REC114: variants seen among roughly 807,000 people sequenced by gnomAD.
REC114 encodes the protein meiotic recombination protein REC114.
A neutral mutation model predicts 31.3 loss-of-function variants in REC114; 27 were observed. The observed-to-expected ratio is 0.86, with a 90% CI of 0.64 to 1.19. The LOEUF (loss-of-function observed/expected upper bound fraction) is 1.19, where lower values mean the gene tolerates loss of function less well. Ranked by LOEUF, REC114 falls within the 50% of genes most tolerant of loss-of-function variation. REC114 has a pLI of 0.00. For missense variants in REC114, 344 were observed against 326.9 expected (o/e 1.05, Z -0.40); for synonymous variants, 134 against 127.7 (o/e 1.05, Z -0.33).
At chr15:73,521,082 T>C (rs1234345182) in intron 2 of REC114, among the ~76,000 whole-genome samples, 1 of 152,132 alleles carries the variant, frequency 6.6e-6, no homozygotes. Flanking sequence ...TGGGCCAGAG[T>C]ATAAAGAAAG....
intron 1 of REC114, among the ~76,000 whole-genome samples, chr15:73,464,590 G>T (rs1315123019): frequency 6.6e-6 from 1 of 152,082 alleles, no homozygotes; most frequent in Non-Finnish European, 1.5e-5. Context: ...AGTGCTGTGG[G>T]CCTCCTGTAG....
At chr15:73,502,029 G>A (rs577727020) in intron 2 of REC114, among the ~76,000 whole-genome samples, 5 of 152,020 alleles carry the variant, frequency 3.3e-5, no homozygotes, top group South Asian at 2.1e-4. Flanking sequence ...AGTGGCTCTC[G>A]CCTGTAATCC....
intron 1 of REC114, among the ~76,000 whole-genome samples, chr15:73,454,897 T>G (rs1892896220): frequency 6.6e-6 from 1 of 152,214 alleles, no homozygotes; most frequent in Non-Finnish European, 1.5e-5. Flanking sequence ...TGATTGTTAT[T>G]ACAATTTTTT....
In REC114 at chr15:73,559,752, ACT is replaced by A. The variant is rs781734668; in HGVS notation, c.640_641del (p.Leu214SerfsTer11). ...AACGACTTTTCTGGTATCCCTGCAG[ACT>A]CTTCTGGCATCGGAGGAGCTGCCCC... ...GRTSLTQLAQ[T>X]LLASEELPHV... On this transcript the variant is annotated frameshift_variant and splice_region_variant, in exon 6 of 6. Transcript: ENST00000331090. LOFTEE classifies it high-confidence loss of function. 1.3e-6 allele frequency: 2 copies of A among 1,556,504 alleles called. No homozygotes were observed. Among genetic ancestry groups the A allele is most frequent in the Non-Finnish European group, 8.6e-7 (1 of 1,158,798 alleles).
intron 1 of REC114, among the ~76,000 whole-genome samples, chr15:73,454,814 G>A (rs1385094405): frequency 1.3e-5 from 2 of 152,120 alleles, no homozygotes; most frequent in Non-Finnish European, 2.9e-5. Flanking sequence ...CATCTGTGTT[G>A]GGTGCAGCTG....
chr15:73,491,716 A>G (rs113430743), intron 2 of REC114, among the ~76,000 whole-genome samples: 25,146 of 152,042 alleles, frequency 0.17, 3,270 homozygotes, highest in African/African-American at 0.36. Flanking sequence ...TGACCAACAT[A>G]GTGAAACCTT....
rs1894248974 is a variant in REC114, at chr15:73,542,278, C to T, written c.333+1710C>T. Among the ~76,000 whole-genome samples, 2 of 150,608 alleles carry T rather than the reference C, an allele frequency of 1.3e-5. 1 individual carries two copies. Among genetic ancestry groups the T allele is most frequent in the South Asian group, 4.2e-4 (2 of 4,758 alleles). The stretch of plus-strand genomic sequence containing the variant: ...CCTAGGAGGCAGAGGTTGCAGTGAG[C>T]CAAGATCGCACCACTACACTCCAGC... On this transcript the variant is annotated intron_variant, in intron 3 of 5. Coordinates refer to ENST00000331090, the MANE Select transcript of REC114 (RefSeq NM_001042367.2).
At chr15:73,529,037 T>C (rs74452355) in intron 2 of REC114, among the ~76,000 whole-genome samples, 16,975 of 152,200 alleles carry the variant, frequency 0.11, 1,254 homozygotes, top group African/African-American at 0.21. Context: ...CAAAGATACT[T>C]GATGATATTA....
intron 1 of REC114, among the ~76,000 whole-genome samples, chr15:73,471,728 A>G (rs1304608582): frequency 6.6e-6 from 1 of 152,198 alleles, no homozygotes; most frequent in Non-Finnish European, 1.5e-5. Flanking sequence ...AAGAATGTTC[A>G]TAACAGTATT....
intron 2 of REC114, among the ~76,000 whole-genome samples, chr15:73,490,559 G>A (rs563641363): frequency 2.1e-4 from 32 of 152,234 alleles, no homozygotes; most frequent in African/African-American, 7.5e-4. Flanking sequence ...AAATTAGCCA[G>A]GCATGGTGGC....
At chr15:73,446,861 A>G (rs1478434600) in intron 1 of REC114, among the ~76,000 whole-genome samples, 1 of 152,210 alleles carries the variant, frequency 6.6e-6, no homozygotes, top group Non-Finnish European at 1.5e-5. Flanking sequence ...AGGCATTTTC[A>G]TCTTTGAAAG....
chr15:73,468,527 C>A (rs1301633527), intron 1 of REC114, among the ~76,000 whole-genome samples: 1 of 152,110 alleles, frequency 6.6e-6, no homozygotes, highest in Admixed American at 6.5e-5. Context: ...AGTTTTACTT[C>A]TTTCCAATCT....
intron 1 of REC114, among the ~76,000 whole-genome samples, chr15:73,469,193 GA>G (rs1893101154): frequency 6.6e-6 from 1 of 152,166 alleles, no homozygotes; most frequent in Admixed American, 6.5e-5. Flanking sequence ...GTTATTGAGA[GA>G]GGGGTATTAA....
intron 2 of REC114, among the ~76,000 whole-genome samples, chr15:73,531,302 G>C (rs1894078805): frequency 6.6e-6 from 1 of 152,154 alleles, no homozygotes; most frequent in Non-Finnish European, 1.5e-5. Context: ...TTGGACTTCA[G>C]ATTGTGTACA....
At chr15:73,523,587 A>C (rs1444584947) in intron 2 of REC114, among the ~76,000 whole-genome samples, 1 of 152,232 alleles carries the variant, frequency 6.6e-6, no homozygotes, top group African/African-American at 2.4e-5. Flanking sequence ...AGTCCTTCTC[A>C]GGCCATATTT....
At chr15:73,494,894 A>C (rs892161128) in intron 2 of REC114, among the ~76,000 whole-genome samples, 6 of 152,376 alleles carry the variant, frequency 3.9e-5, no homozygotes, top group Non-Finnish European at 8.8e-5. Context: ...ATATGGTAAT[A>C]GCTCTGATAG....
chr15:73,454,382 G>A (rs942360019), intron 1 of REC114, among the ~76,000 whole-genome samples: 1 of 152,142 alleles, frequency 6.6e-6, no homozygotes, highest in Non-Finnish European at 1.5e-5. Context: ...GAAGGGAGTG[G>A]AAGCCAGATA....
At chr15:73,549,879 A>G (rs1009207446) in intron 3 of REC114, among the ~76,000 whole-genome samples, 4 of 152,192 alleles carry the variant, frequency 2.6e-5, no homozygotes, top group African/African-American at 9.6e-5. Context: ...TAATCTAAAT[A>G]TATGGCTTTA....
intron 3 of REC114, among the ~76,000 whole-genome samples, chr15:73,543,581 G>A (rs866918791): frequency 7.2e-5 from 11 of 152,108 alleles, no homozygotes; most frequent in Non-Finnish European, 4.4e-5. Context: ...TGCCCGCCTC[G>A]GCCTCCCAAA....
Sources: gnomAD v4.1 joint callset for allele counts (sites outside exome capture counted in the v4.1 genomes callset) on GRCh38, gnomAD v4.1.1 for gene constraint, MANE v1.5 for transcripts, NCBI Gene and HGNC (gene_info 2026-07-23, HGNC 2026-07-21) for gene names.